ARHGEF10L: variants seen among roughly 807,000 people sequenced by gnomAD.
The protein encoded by ARHGEF10L is rho guanine nucleotide exchange factor 10-like protein.
Under a neutral mutation model 141.2 loss-of-function variants are expected in ARHGEF10L, and 69 were observed. The observed-to-expected ratio is 0.49, with a 90% confidence interval of 0.40 to 0.60. ARHGEF10L has a LOEUF of 0.60. Ranked by LOEUF, ARHGEF10L falls within the 20% of genes least tolerant of loss-of-function variation. The pLI is 0.00. For missense variants in ARHGEF10L, 1,482 were observed against 1,734.3 expected (o/e 0.85, Z 2.58); for synonymous variants, 711 against 718.5 (o/e 0.99, Z 0.17).
intron 4 of ARHGEF10L, 67 bp from the exon 5 acceptor site, chr1:17,602,060 G>A (rs2080732945): frequency 1.4e-6 from 2 of 1,403,582 alleles, no homozygotes; most frequent in Non-Finnish European, 1.9e-6. Context: ...CTGACCAGGT[G>A]AGGGGCTGCC....
intron 26 of ARHGEF10L, among the ~76,000 whole-genome samples, chr1:17,669,166 CT>C (rs2063164132): frequency 6.6e-6 from 1 of 152,194 alleles, no homozygotes; most frequent in Non-Finnish European, 1.5e-5. Flanking sequence ...AGAAAACCCC[CT>C]ATGGGGTTTG....
chr1:17,613,028 T>G, intron 7 of ARHGEF10L, 30 bp from the exon 8 acceptor site: 3 of 1,526,086 alleles, frequency 2.0e-6, no homozygotes, highest in Non-Finnish European at 1.8e-6. Flanking sequence ...CTCACCTGCT[T>G]TCCTTCTGCC....
intron 22 of ARHGEF10L, among the ~76,000 whole-genome samples, chr1:17,650,136 G>C (rs111326043): frequency 5.9e-5 from 9 of 152,200 alleles, no homozygotes; most frequent in African/African-American, 1.9e-4. Context: ...GGGACTGAGC[G>C]TGGTGGCTCA....
intron 7 of ARHGEF10L, among the ~76,000 whole-genome samples, chr1:17,608,301 T>G (rs971469066): frequency 6.6e-6 from 1 of 151,818 alleles, no homozygotes; most frequent in Non-Finnish European, 1.5e-5. Context: ...GGCTTCAGAG[T>G]CCTCTCAACG....
chr1:17,528,061 G>A, the ARHGEF10L span, among the ~76,000 whole-genome samples: 4 of 151,624 alleles, frequency 2.6e-5, no homozygotes, highest in South Asian at 2.1e-4. Context: ...TAGAGATGAG[G>A]TTTTGCCATG....
Position 17,563,236 on chromosome 1 carries a change from T to C in ARHGEF10L, c.-43-17317T>C, listed in dbSNP as rs539209657. Among the ~76,000 whole-genome samples the C allele has an allele frequency of 2.8e-3, 397 of 140,974 alleles. 1 individual carries two copies. Among genetic ancestry groups the C allele is most frequent in the African/African-American group, 0.01 (384 of 36,692 alleles). The allele number at this position is 140,974 out of a possible 152,430, so 92.5% of individuals were successfully genotyped here. A position where few individuals can be genotyped will look rare whatever the true frequency, so the allele number is the denominator to read the frequency against. On this transcript the variant is annotated intron_variant, in intron 1 of 28. Coordinates refer to ENST00000361221, the MANE Select transcript of ARHGEF10L (RefSeq NM_018125.4). Reference sequence around the variant, plus strand: ...AGTAAGCTTTGTCAGAGAGCCCTTTTCTTTTTTTTTTTTTTTGAGACAGGG... The same window carrying C: ...AGTAAGCTTTGTCAGAGAGCCCTTTCCTTTTTTTTTTTTTTTGAGACAGGG...
intron 4 of ARHGEF10L, 93 bp downstream of exon 4, chr1:17,588,572 C>A: frequency 6.6e-7 from 1 of 1,507,106 alleles, no homozygotes; most frequent in Non-Finnish European, 9.2e-7. Flanking sequence ...CCCAGAGGAC[C>A]CGACTGGTCT....
chr1:17,656,490 G>A lies in ARHGEF10L; in HGVS notation c.2706-64G>A. On this transcript the variant is annotated intron_variant, in intron 24 of 28. Transcript: ENST00000361221. This position sits in a 1 kb window ranked among gnomAD's most constrained non-coding sequence, Gnocchi z 4.9. ...TGGGGCCCTCTCCCTAGGAGGGCAT[G>A]GGGGCAGTGAGTGGGTGGGAGTGCT... 1 of 1,558,038 alleles carries A rather than the reference G, an allele frequency of 6.4e-7. No homozygotes were observed. Among genetic ancestry groups the A allele is most frequent in the African/African-American group, 1.3e-5 (1 of 74,252 alleles).
the ARHGEF10L span, among the ~76,000 whole-genome samples, chr1:17,513,890 T>A: frequency 6.6e-6 from 1 of 152,066 alleles, no homozygotes; most frequent in Non-Finnish European, 1.5e-5. Context: ...CTCAGTCCAG[T>A]CTCAGCTCAC....
chr1:17,600,673 C>T (rs2080562045), intron 4 of ARHGEF10L, among the ~76,000 whole-genome samples: 2 of 152,132 alleles, frequency 1.3e-5, no homozygotes, highest in African/African-American at 4.8e-5. Flanking sequence ...TCCCACGTTG[C>T]GCTTAACTGT....
At chr1:17,676,141 T>TGTAGGTGCAGGTGTAGGTGCAGGC (rs1383262661) in intron 26 of ARHGEF10L, among the ~76,000 whole-genome samples, 1 of 141,222 alleles carries the variant, frequency 7.1e-6, no homozygotes, top group Non-Finnish European at 1.5e-5. Flanking sequence ...TGGGTGCAGG[T>TGTAGGTGCAGGTGTAGGTGCAGGC]GTAGGTGCAG....
At chr1:17,531,387 C>G in the ARHGEF10L span, among the ~76,000 whole-genome samples, 1 of 152,154 alleles carries the variant, frequency 6.6e-6, no homozygotes, top group Non-Finnish European at 1.5e-5. Context: ...CAGAAGATGT[C>G]ATATCTGGGA....
chr1:17,592,880 T>C (rs1406421063), intron 4 of ARHGEF10L, among the ~76,000 whole-genome samples: 1 of 152,098 alleles, frequency 6.6e-6, no homozygotes, highest in Non-Finnish European at 1.5e-5. Flanking sequence ...GAGTCCCCCA[T>C]GGGAGGGTTA....
At chr1:17,693,778 A>G (rs1026622060) in intron 27 of ARHGEF10L, among the ~76,000 whole-genome samples, 4 of 152,210 alleles carry the variant, frequency 2.6e-5, no homozygotes, top group African/African-American at 7.2e-5. Context: ...AATGTGATCC[A>G]TGGACCAGAA....
intron 28 of ARHGEF10L, 130 bp downstream of exon 28, chr1:17,695,410 A>C: frequency 8.2e-5 from 106 of 1,294,392 alleles, no homozygotes; most frequent in Non-Finnish European, 1.0e-4. Flanking sequence ...GCTTCCTCTC[A>C]TCTCAGGTGG....
In ARHGEF10L at chr1:17,639,065, G is replaced by A. The variant is rs1246544658; in HGVS notation, c.2171+376G>A. ...TCTCTCTGGACCCAGCCTCCCCCCA[G>A]CACCACCTTAGCCCCAGAATGCCCA... On this transcript the variant is annotated intron_variant, in intron 20 of 28. Coordinates refer to ENST00000361221, the MANE Select transcript of ARHGEF10L (RefSeq NM_018125.4). The surrounding 1 kb of genome is among the most constrained non-coding windows in gnomAD (Gnocchi z 4.3). Among the ~76,000 whole-genome samples the A allele has an allele frequency of 6.6e-6, 1 of 152,138 alleles. No individual in the cohort carries two copies. The highest frequency in any genetic ancestry group is 1.5e-5 in the Non-Finnish European group (1 of 68,010).
intron 1 of ARHGEF10L, among the ~76,000 whole-genome samples, chr1:17,549,567 C>G (rs1443432360): frequency 6.6e-6 from 1 of 152,064 alleles, no homozygotes; most frequent in Non-Finnish European, 1.5e-5. Flanking sequence ...GGAGCTCCCC[C>G]TGCAAGGATC....
At chr1:17,652,614 C>T (rs1020147694) in intron 22 of ARHGEF10L, among the ~76,000 whole-genome samples, 6 of 152,150 alleles carry the variant, frequency 3.9e-5, no homozygotes, top group African/African-American at 1.2e-4. Flanking sequence ...CATTTCTGAA[C>T]GCCTGACTAC....
At chr1:17,580,190 T>C (rs1286130685) in intron 1 of ARHGEF10L, among the ~76,000 whole-genome samples, 1 of 152,062 alleles carries the variant, frequency 6.6e-6, no homozygotes, top group Non-Finnish European at 1.5e-5. Context: ...GACAGTCAGG[T>C]GTGATCTGAT....
Sources: allele counts gnomAD v4.1 joint callset (sites outside exome capture counted in the v4.1 genomes callset), GRCh38; gene constraint gnomAD v4.1.1; non-coding constraint Gnocchi (gnomAD v3.1); transcripts MANE v1.5; gene names NCBI Gene and HGNC (gene_info 2026-07-23, HGNC 2026-07-21).